HMCN2: variants seen among roughly 807,000 people sequenced by gnomAD.
HMCN2 encodes the protein hemicentin 2, also known as hemicentin-2.
In HMCN2, 325 loss-of-function variants were observed where a neutral mutation model predicts 377.5. That is an observed-to-expected ratio of 0.86 (90% CI 0.79 to 0.94). The LOEUF (loss-of-function observed/expected upper bound fraction) is 0.94. Among genes scored for constraint, HMCN2 ranks in the 40% least tolerant of loss-of-function variants. HMCN2 has a pLI of 0.00. For missense variants in HMCN2, 4,543 were observed against 4,725.3 expected (o/e 0.96, Z 1.13); for synonymous variants, 2,007 against 2,046.8 (o/e 0.98, Z 0.53).
chr9:130,282,953 C>G (rs922532872), intron 1 of HMCN2, among the ~76,000 whole-genome samples: 2 of 152,132 alleles, frequency 1.3e-5, no homozygotes, highest in Non-Finnish European at 2.9e-5. Flanking sequence ...TGACTGTGGT[C>G]CCAGCTACTC....
intron 1 of HMCN2, among the ~76,000 whole-genome samples, chr9:130,272,095 G>A (rs1834436087): frequency 6.7e-6 from 1 of 149,130 alleles, no homozygotes; most frequent in South Asian, 2.2e-4. Context: ...TTTCAGAATT[G>A]TTGAGTGGGA....
chr9:130,395,134 C>CA, intron 70 of HMCN2, 26 bp downstream of exon 70: 2 of 906,338 alleles, frequency 2.2e-6, no homozygotes, highest in South Asian at 2.2e-5. Flanking sequence ...GGGGTGGGGG[C>CA]AGGGCCGGGA....
At chr9:130,349,778 C>T (rs1839600927) in intron 29 of HMCN2, 115 bp downstream of exon 29, 1 of 1,039,492 alleles carries the variant, frequency 9.6e-7, no homozygotes, top group Non-Finnish European at 1.3e-6. Flanking sequence ...ATGGCATGTG[C>T]CACCCAGGGC....
chr9:130,315,638 C>T (rs1837527893), intron 15 of HMCN2, among the ~76,000 whole-genome samples: 5 of 151,532 alleles, frequency 3.3e-5, no homozygotes, highest in Non-Finnish European at 7.4e-5. Context: ...GTATCCTGGT[C>T]AGCTCAGGTT....
rs778913569 is a variant in HMCN2 at position 130,431,382 on chromosome 9, G to A, written c.14663G>A (p.Arg4888His). ...CCCGGGCCAGACCTTGACGAGTGCCGCGTGAGGAACCTGTGTCAGCACGCC... is the reference window on the plus strand; with the variant it reads ...CCCGGGCCAGACCTTGACGAGTGCCACGTGAGGAACCTGTGTCAGCACGCC... Reference protein sequence around the residue: ...NGVCTDLDECRVRNLCQHACR... With the variant: ...NGVCTDLDECHVRNLCQHACR... Residue 4888 changes from arginine (R) to histidine (H), a missense_variant, in exon 96 of 98, where the codon CGC (arginine) becomes CAC (histidine). Physicochemically the swap from Arg to His is conservative, Grantham distance 29 (BLOSUM62 0). This residue lies in a region of HMCN2 where 1,155 missense variants were observed against 1,157.7 expected (regional missense o/e 1.00). Coordinates refer to ENST00000683500, the MANE Select transcript of HMCN2 (RefSeq NM_001291815.2). 1.0e-4 allele frequency: 161 copies of A among 1,549,706 alleles called. No homozygotes were observed. Among genetic ancestry groups the A allele is most frequent in the Admixed American group, 2.7e-4 (14 of 50,968 alleles).
At chr9:130,395,578 G>T (rs1382348103) in intron 71 of HMCN2, among the ~76,000 whole-genome samples, 1 of 152,198 alleles carries the variant, frequency 6.6e-6, no homozygotes, top group Non-Finnish European at 1.5e-5. Flanking sequence ...GGCCCACCCA[G>T]TATTCTCCCC....
In HMCN2 at chr9:130,334,020, C is replaced by T. The variant is rs1011418015; in HGVS notation, c.3360-3874C>T. On this transcript the variant is annotated intron_variant, in intron 22 of 97. Coordinates refer to ENST00000683500, the MANE Select transcript of HMCN2 (RefSeq NM_001291815.2). The stretch of plus-strand genomic sequence containing the variant: ...ATGTTCAGGAAGCTGTGGGAGCCTA[C>T]AGGATGGACCTACCAGCCTGGGGCA... Among the ~76,000 whole-genome samples, 5 of 152,164 alleles carry T rather than the reference C, an allele frequency of 3.3e-5. No homozygotes were observed. In the South Asian group the frequency reaches 1.0e-3, roughly 31 times the overall value.
chr9:130,364,264 G>A (rs1276659634), intron 40 of HMCN2, among the ~76,000 whole-genome samples: 1 of 152,226 alleles, frequency 6.6e-6, no homozygotes, highest in Non-Finnish European at 1.5e-5. Context: ...TGGCGAGTGA[G>A]TGGTGGAGGG....
chr9:130,385,311 C>A (rs550917288), intron 59 of HMCN2, among the ~76,000 whole-genome samples: 3 of 152,002 alleles, frequency 2.0e-5, no homozygotes, highest in Non-Finnish European at 2.9e-5. Flanking sequence ...TGGGTGGGGG[C>A]GGGCGACAGC....
chr9:130,348,409 G>A (rs893741276), intron 26 of HMCN2, 136 bp from the exon 27 acceptor site: 76 of 1,209,868 alleles, frequency 6.3e-5, no homozygotes, highest in Non-Finnish European at 8.0e-5. Flanking sequence ...AGGACCCTTT[G>A]TGGCTGGGCG....
At chr9:130,433,126 T>C (rs1844863166) in intron 97 of HMCN2, 1 of 478,388 alleles carries the variant, frequency 2.1e-6, no homozygotes, top group Non-Finnish European at 3.6e-6. Flanking sequence ...GGAGGGACCA[T>C]GAAAGGGCAG....
chr9:130,349,454 G>A lies in HMCN2; in HGVS notation c.4304-83G>A, dbSNP rs1588284404. ...GTAGGAGGGGGGCCCAGGCTGGGGG[G>A]TCTGCACAGACAAAGGCCCCGTGGT... On this transcript the variant is annotated intron_variant, in intron 28 of 97. Coordinates refer to ENST00000683500, the MANE Select transcript of HMCN2 (RefSeq NM_001291815.2). The A allele has an allele frequency of 2.4e-6, 3 of 1,256,572 alleles. No individual in the cohort carries two copies. The South Asian group carries it at 4.1e-5, about 17-fold the overall frequency. 77.8% of individuals were successfully genotyped at this position (1,256,572 alleles called of 1,614,324 possible).
At chr9:130,331,133 T>G (rs1410400662) in intron 22 of HMCN2, among the ~76,000 whole-genome samples, 1 of 149,466 alleles carries the variant, frequency 6.7e-6, no homozygotes, top group Non-Finnish European at 1.5e-5. Context: ...ACTCCATCCT[T>G]GCAACAGAGC....
At position 130,362,030 on chromosome 9, in the gene HMCN2, A is replaced by G. The variant is rs1217018927; in HGVS notation, c.5973A>G (p.Pro1991=). The part of the protein sequence containing the change: ...RVNVPPRITL[P]PSLPGPVLVN... ...CAGTGCCCCCTCGAATCACACTGCC[A>G]CCCAGCCTGCCAGGCCCTGTGTTGG... The change falls in exon 39 of 98, where the codon CCA becomes CCG. Residue 1991 remains proline, a synonymous_variant. Transcript: ENST00000683500. 2 of 985,842 alleles carry G rather than the reference A, an allele frequency of 2.0e-6. No individual in the cohort carries two copies. The highest frequency in any genetic ancestry group is 3.5e-5 in the African/African-American group (2 of 57,184). The allele number at this position is 985,842 out of a possible 1,614,324, so 61.1% of individuals were successfully genotyped here. A position where few individuals can be genotyped will look rare whatever the true frequency, so the allele number is the denominator to read the frequency against.
At chr9:130,319,174 T>G (rs1236927586) in intron 15 of HMCN2, among the ~76,000 whole-genome samples, 1 of 152,132 alleles carries the variant, frequency 6.6e-6, no homozygotes, top group Admixed American at 6.5e-5. Context: ...GAAACACTCC[T>G]TAGAGCCCCT....
In HMCN2 at chr9:130,428,625, G is replaced by A. The variant is rs1844538003; in HGVS notation, c.14197+136G>A. 5 of 1,260,472 alleles carry A rather than the reference G, an allele frequency of 4.0e-6. No homozygotes were observed. Among genetic ancestry groups the A allele is most frequent in the Non-Finnish European group, 5.4e-6 (5 of 925,422 alleles). 78.1% of individuals were successfully genotyped at this position (1,260,472 alleles called of 1,614,324 possible). ...TGGGACTCTTGGCAGAAGGAGTACA[G>A]CAAGGCTGGGGACAAAGCCTGCGCC... On this transcript the variant is annotated intron_variant, in intron 93 of 97. Coordinates refer to ENST00000683500, the MANE Select transcript of HMCN2 (RefSeq NM_001291815.2). This position sits in a 1 kb window ranked among gnomAD's most constrained non-coding sequence, Gnocchi z 5.0.
chr9:130,311,286 C>T (rs1028786216), intron 15 of HMCN2, among the ~76,000 whole-genome samples: 10 of 152,314 alleles, frequency 6.6e-5, no homozygotes, highest in East Asian at 1.9e-4. Context: ...GCTCCCAAGG[C>T]GGGCCAGGCT....
rs539433175 is a variant in HMCN2 at position 130,293,803 on chromosome 9, G to A, written c.613-1052G>A. Among the ~76,000 whole-genome samples the A allele has an allele frequency of 3.9e-5, 6 of 152,292 alleles. No individual in the cohort carries two copies. The South Asian group carries it at 8.3e-4, about 21-fold the overall frequency. ...CCAGGCCAGTAAGGATGAGAAGCCCGAATCCAATAAATGTGAATGACTGGA... is the reference window on the plus strand; with the variant it reads ...CCAGGCCAGTAAGGATGAGAAGCCCAAATCCAATAAATGTGAATGACTGGA... On this transcript the variant is annotated intron_variant, in intron 4 of 97. Transcript: ENST00000683500.
chr9:130,360,350 T>A lies in HMCN2; in HGVS notation c.5774-78T>A, dbSNP rs117190232. On this transcript the variant is annotated intron_variant, in intron 37 of 97. Transcript: ENST00000683500. This position sits in a 1 kb window ranked among gnomAD's most constrained non-coding sequence, Gnocchi z 4.7. ...CCTTTCCCCCTTGCATCTCTCTTCC[T>A]TTCCCCCTTACTTCTCTCTTCCATT... is the stretch of plus-strand genomic sequence containing the variant. 387 of 763,780 alleles carry A rather than the reference T, an allele frequency of 5.1e-4. 3 individuals are homozygous for A. The highest frequency in any genetic ancestry group is 2.8e-3 in the African/African-American group (104 of 37,316). The allele number at this position is 763,780 out of a possible 1,614,324, so 47.3% of individuals were successfully genotyped here. A position where few individuals can be genotyped will look rare whatever the true frequency, so the allele number is the denominator to read the frequency against.
Sources: allele counts gnomAD v4.1 joint callset (sites outside exome capture counted in the v4.1 genomes callset), GRCh38; gene constraint gnomAD v4.1.1; regional missense constraint gnomAD v4.1.1; non-coding constraint Gnocchi (gnomAD v3.1); transcripts MANE v1.5; gene names NCBI Gene and HGNC (gene_info 2026-07-23, HGNC 2026-07-21).